Variants in KLHL1 observed in about 807,000 individuals in gnomAD.
KLHL1 encodes the protein kelch like family member 1, also known as kelch-like protein 1.
Under a neutral mutation model 77.7 loss-of-function variants are expected in KLHL1, and 47 were observed. The observed-to-expected ratio is 0.60, with a 90% confidence interval of 0.48 to 0.77. KLHL1 has a LOEUF of 0.77. Ranked by LOEUF, KLHL1 falls within the 30% of genes least tolerant of loss-of-function variation. The probability of loss-of-function intolerance (pLI) is 0.00; values close to 1 mark genes in which losing one functional copy is unlikely to be tolerated. For synonymous variants in KLHL1, 360 were observed against 325.2 expected (o/e 1.11, Z -1.15); for missense variants, 925 against 910.8 (o/e 1.02, Z -0.20).
At chr13:69,766,216 C>A (rs1318654826) in intron 7 of KLHL1, among the ~76,000 whole-genome samples, 1 of 151,952 alleles carries the variant, frequency 6.6e-6, no homozygotes, top group Non-Finnish European at 1.5e-5. Context: ...GGACACACAC[C>A]ATATGGAAAA....
intron 8 of KLHL1, among the ~76,000 whole-genome samples, chr13:69,738,511 A>G (rs1031541726): frequency 6.6e-6 from 1 of 152,058 alleles, no homozygotes; most frequent in Non-Finnish European, 1.5e-5. Flanking sequence ...ATAAAACACT[A>G]CAGGAGCTGT....
At chr13:70,016,425 T>C (rs1054693232) in intron 1 of KLHL1, among the ~76,000 whole-genome samples, 7 of 152,202 alleles carry the variant, frequency 4.6e-5, no homozygotes, top group African/African-American at 1.2e-4. Context: ...AGACCCCCTG[T>C]CCCCGTAGGC....
rs749846665 is a variant in KLHL1, at chr13:70,107,767, G to C, written c.-68C>G. 40 of 1,251,040 alleles carry C rather than the reference G, an allele frequency of 3.2e-5. No individual in the cohort carries two copies. The highest frequency in any genetic ancestry group is 4.1e-5 in the Non-Finnish European group (38 of 926,442). The allele number at this position is 1,251,040 out of a possible 1,614,324, so 77.5% of individuals were successfully genotyped here. On this transcript the variant is annotated 5_prime_UTR_variant, in exon 1 of 11. Coordinates refer to ENST00000377844, the MANE Select transcript of KLHL1 (RefSeq NM_020866.3). Reference sequence around the variant, plus strand: ...GTAGGCTGGTCAGCAGGTGGGGGAGGACAGCGGGGCCCGGGGGCGGAGGAA... The same window carrying C: ...GTAGGCTGGTCAGCAGGTGGGGGAGCACAGCGGGGCCCGGGGGCGGAGGAA...
At chr13:70,009,455 T>C (rs1348971604) in intron 1 of KLHL1, among the ~76,000 whole-genome samples, 1 of 152,132 alleles carries the variant, frequency 6.6e-6, no homozygotes, top group Non-Finnish European at 1.5e-5. Context: ...GGAAACCCAA[T>C]TTATTTCCCT....
chr13:69,802,329 G>A (rs562268386), intron 6 of KLHL1, among the ~76,000 whole-genome samples: 8 of 152,108 alleles, frequency 5.3e-5, no homozygotes, highest in African/African-American at 1.4e-4. Flanking sequence ...ATAAACATAC[G>A]TATCCATGTG....
intron 9 of KLHL1, among the ~76,000 whole-genome samples, chr13:69,713,820 C>T (rs776952211): frequency 6.6e-6 from 1 of 151,852 alleles, no homozygotes; most frequent in Admixed American, 6.6e-5. Flanking sequence ...CATGGTATTT[C>T]TACCAAATTT....
At chr13:69,913,564 T>C (rs1329299758) in intron 4 of KLHL1, among the ~76,000 whole-genome samples, 1 of 152,236 alleles carries the variant, frequency 6.6e-6, no homozygotes, top group Non-Finnish European at 1.5e-5. Flanking sequence ...TGTATCATTT[T>C]GTACTAGAAA....
rs139116726 is a variant in KLHL1, at chr13:70,099,677, C to G, written c.497+7526G>C. ...TAATAAACATTAAAAAGAAATACAC[C>G]ATACAATAAGCTTTTTGTCCCATAA... On this transcript the variant is annotated intron_variant, in intron 1 of 10. Transcript: ENST00000377844. Among the ~76,000 whole-genome samples the G allele has an allele frequency of 6.2e-3, 944 of 151,850 alleles. 7 individuals carry two copies. The highest frequency in any genetic ancestry group is 0.021 in the African/African-American group (887 of 41,462).
intron 1 of KLHL1, among the ~76,000 whole-genome samples, chr13:70,074,186 A>G (rs1454450273): frequency 6.6e-6 from 1 of 152,088 alleles, no homozygotes; most frequent in Non-Finnish European, 1.5e-5. Context: ...TTGAAGAATT[A>G]AGAGATTTGG....
intron 8 of KLHL1, among the ~76,000 whole-genome samples, chr13:69,735,037 G>A (rs1285318198): frequency 6.6e-6 from 1 of 151,974 alleles, no homozygotes. Flanking sequence ...AAAAATTAAA[G>A]AATTAATGCA....
intron 7 of KLHL1, among the ~76,000 whole-genome samples, chr13:69,769,884 G>A (rs1875479382): frequency 6.6e-6 from 1 of 152,078 alleles, no homozygotes; most frequent in African/African-American, 2.4e-5. Context: ...GGAATGAAAA[G>A]GGGTGAAACA....
Position 70,074,972 on chromosome 13 carries a change from A to T in KLHL1, c.497+32231T>A, listed in dbSNP as rs531413013. The stretch of plus-strand genomic sequence containing the variant: ...AAAATGAAAATTTAAAATACCATTT[A>T]TAATAATGGAGGTGCCAGGGGAAAG... On this transcript the variant is annotated intron_variant, in intron 1 of 10. Coordinates refer to ENST00000377844, the MANE Select transcript of KLHL1 (RefSeq NM_020866.3). Among the ~76,000 whole-genome samples, 90 of 152,210 alleles carry T rather than the reference A, an allele frequency of 5.9e-4. 1 individual carries two copies. Among genetic ancestry groups the T allele is most frequent in the South Asian group, 1.9e-3 (9 of 4,830 alleles).
intron 7 of KLHL1, among the ~76,000 whole-genome samples, chr13:69,782,431 A>C: frequency 6.6e-6 from 1 of 152,198 alleles, no homozygotes; most frequent in East Asian, 1.9e-4. Context: ...GGGGTGACAG[A>C]CGGCACCTGG....
chr13:70,057,458 CAA>C (rs1243859243), intron 1 of KLHL1, among the ~76,000 whole-genome samples: 2 of 92,992 alleles, frequency 2.2e-5, no homozygotes, highest in Admixed American at 2.9e-4. Context: ...CATAAATAGA[CAA>C]AGACACATCA....
chr13:69,745,372 A>G (rs1465416769), intron 7 of KLHL1, among the ~76,000 whole-genome samples: 1 of 151,978 alleles, frequency 6.6e-6, no homozygotes, highest in Non-Finnish European at 1.5e-5. Context: ...ATGGATATAA[A>G]TTGTCAATTT....
At chr13:69,934,962 G>GTGTATATATATATATATA (rs372646811) in intron 4 of KLHL1, among the ~76,000 whole-genome samples, 9 of 129,818 alleles carry the variant, frequency 6.9e-5, no homozygotes, top group African/African-American at 2.1e-4. Flanking sequence ...GTGTGCATGT[G>GTGTATATATATATATATA]TATATATATA....
intron 4 of KLHL1, among the ~76,000 whole-genome samples, chr13:69,936,520 C>T (rs1008240151): frequency 1.7e-4 from 24 of 142,280 alleles, no homozygotes; most frequent in Admixed American, 9.0e-4. Context: ...ACCTGGGAGG[C>T]GGAGGTTGCA....
At chr13:69,740,352 C>CT (rs759226755) in intron 8 of KLHL1, 42 bp downstream of exon 8, 5 of 1,377,110 alleles carry the variant, frequency 3.6e-6, no homozygotes, top group African/African-American at 1.5e-5. Flanking sequence ...TACCCAATAA[C>CT]TTTTTTTCTA....
At chr13:69,886,964 A>T (rs539062414) in intron 4 of KLHL1, among the ~76,000 whole-genome samples, 165 of 152,226 alleles carry the variant, frequency 1.1e-3, no homozygotes, top group Non-Finnish European at 1.8e-3. Flanking sequence ...CTAAACAGTT[A>T]TTGGTTAGAA....
Sources: allele counts gnomAD v4.1 joint callset (sites outside exome capture counted in the v4.1 genomes callset), GRCh38; gene constraint gnomAD v4.1.1; transcripts MANE v1.5; gene names NCBI Gene and HGNC (gene_info 2026-07-23, HGNC 2026-07-21).